The following BANP variants were observed in gnomAD, a reference collection of about 807,000 sequenced individuals.
BANP encodes the protein protein BANP.
A neutral mutation model predicts 68.1 loss-of-function variants in BANP; 11 were observed. The observed-to-expected ratio is 0.16, with a 90% CI of 0.10 to 0.27. The LOEUF (loss-of-function observed/expected upper bound fraction) is 0.27. Among genes scored for constraint, BANP ranks in the 10% least tolerant of loss-of-function variants. The probability of loss-of-function intolerance (pLI) is 1.00; values close to 1 mark genes in which losing one functional copy is unlikely to be tolerated. For synonymous variants in BANP, 329 were observed against 303.2 expected, an observed-to-expected ratio of 1.09 and a Z score of -0.88; for missense variants, 504 against 722.7, an observed-to-expected ratio of 0.70 and a Z score of 3.47.
chr16:87,968,053 C>A (rs1035002311), intron 1 of BANP, among the ~76,000 whole-genome samples: 1 of 150,506 alleles, frequency 6.6e-6, no homozygotes, highest in African/African-American at 2.4e-5. Flanking sequence ...CACGCCTGGC[C>A]AGAAAAGGTT....
intron 1 of BANP, among the ~76,000 whole-genome samples, chr16:87,961,426 A>G (rs1304880743): frequency 1.1e-5 from 1 of 92,454 alleles, no homozygotes; most frequent in African/African-American, 3.3e-5. Flanking sequence ...CGGGCCTCCC[A>G]AAGTGCTGGG....
intron 11 of BANP, among the ~76,000 whole-genome samples, chr16:88,045,304 C>A (rs1190257479): frequency 6.6e-6 from 1 of 152,198 alleles, no homozygotes; most frequent in Non-Finnish European, 1.5e-5. Context: ...GAAGATGGCT[C>A]GATGTTTGCC....
intron 3 of BANP, among the ~76,000 whole-genome samples, chr16:87,982,209 A>G (rs969541048): frequency 2.0e-5 from 3 of 152,222 alleles, no homozygotes; most frequent in African/African-American, 7.2e-5. Flanking sequence ...ATAGAACAGA[A>G]ATGTATAAAG....
At chr16:87,996,372 T>C (rs1344369305) in intron 4 of BANP, among the ~76,000 whole-genome samples, 2 of 152,236 alleles carry the variant, frequency 1.3e-5, no homozygotes, top group African/African-American at 4.8e-5. Context: ...AGTTGGATGT[T>C]CTGCTGCTCT....
In BANP at chr16:87,964,771, C is replaced by T. The variant is rs553436753; in HGVS notation, c.-68-10277C>T. ...GGTTGGGAGTGACAGGCTGGGAAGA[C>T]GAGGCCGGATCAGGGTGAAGGAGAG... On this transcript the variant is annotated intron_variant, in intron 1 of 13. Transcript: ENST00000682872. 3.0e-4 allele frequency among the ~76,000 whole-genome samples: 46 copies of T among 152,212 alleles called. 1 individual carries two copies. Among genetic ancestry groups the T allele is most frequent in the Admixed American group, 2.7e-3 (41 of 15,302 alleles).
In BANP at chr16:88,004,146, T is replaced by C. The variant is rs2070258493; in HGVS notation, c.363-149T>C. ...CTCCTTCCCCCTCAGGACGGGTCCC[T>C]GGGAGTGGACTATGTTGAATGACTC... On this transcript the variant is annotated intron_variant, in intron 4 of 13. Coordinates refer to ENST00000682872, the MANE Select transcript of BANP (RefSeq NM_001386991.1). The surrounding 1 kb of genome is among the most constrained non-coding windows in gnomAD (Gnocchi z 7.0). 4.6e-6 allele frequency: 3 copies of C among 646,828 alleles called. No homozygotes were observed. In the Admixed American group the frequency reaches 6.9e-5, roughly 15 times the overall value. 40.1% of individuals were successfully genotyped at this position (646,828 alleles called of 1,614,324 possible).
chr16:87,951,271 A>G (rs1366400977), upstream of BANP, among the ~76,000 whole-genome samples: 2 of 152,156 alleles, frequency 1.3e-5, no homozygotes, highest in Non-Finnish European at 2.9e-5. Flanking sequence ...ACCGTCGCGG[A>G]AGAAGGCCGC....
chr16:88,022,179 C>G (rs746546189), intron 7 of BANP, among the ~76,000 whole-genome samples: 1 of 152,330 alleles, frequency 6.6e-6, no homozygotes, highest in South Asian at 2.1e-4. Flanking sequence ...CAGCAGCATT[C>G]GCCTGTTTTC....
chr16:88,045,877 C>T (rs2081913572), intron 11 of BANP, among the ~76,000 whole-genome samples: 1 of 152,204 alleles, frequency 6.6e-6, no homozygotes, highest in Non-Finnish European at 1.5e-5. Flanking sequence ...GTGTCGCTTC[C>T]TCGTACTTCA....
intron 11 of BANP, among the ~76,000 whole-genome samples, chr16:88,063,412 T>G (rs1209629074): frequency 6.6e-6 from 1 of 152,198 alleles, no homozygotes; most frequent in African/African-American, 2.4e-5. Flanking sequence ...TTAATAGGAA[T>G]TCAGTGTTTC....
At chr16:87,986,373 G>C (rs771969774) in intron 4 of BANP, among the ~76,000 whole-genome samples, 15 of 152,324 alleles carry the variant, frequency 9.8e-5, no homozygotes, top group Admixed American at 3.3e-4. Context: ...ATGTGTGATG[G>C]GGGGAGAGGT....
chr16:88,075,954 C>T (rs552607324), intron 13 of BANP, among the ~76,000 whole-genome samples: 48 of 152,238 alleles, frequency 3.2e-4, no homozygotes, highest in Non-Finnish European at 6.0e-4. Flanking sequence ...CCATTTTGGC[C>T]AGCCTAGGCT....
chr16:88,065,917 G>A (rs1159188915), intron 12 of BANP, among the ~76,000 whole-genome samples: 1 of 152,084 alleles, frequency 6.6e-6, no homozygotes, highest in African/African-American at 2.4e-5. Flanking sequence ...AGCCATGCTT[G>A]CCTTCCACCT....
chr16:87,996,909 C>T (rs553089784), intron 4 of BANP, among the ~76,000 whole-genome samples: 1 of 152,208 alleles, frequency 6.6e-6, no homozygotes, highest in South Asian at 2.1e-4. Flanking sequence ...ATCTTGGTGG[C>T]TGGTTTTGCA....
At chr16:87,973,902 C>T (rs919218302) in intron 1 of BANP, among the ~76,000 whole-genome samples, 1 of 152,018 alleles carries the variant, frequency 6.6e-6, no homozygotes, top group Non-Finnish European at 1.5e-5. Flanking sequence ...TAATTTCATT[C>T]CTGTTGGGAC....
At chr16:88,042,432 G>C (rs2152787321) in intron 11 of BANP, among the ~76,000 whole-genome samples, 1 of 152,302 alleles carries the variant, frequency 6.6e-6, no homozygotes, top group East Asian at 1.9e-4. Context: ...CTGGGCCCCT[G>C]TGGCCTCTGC....
Position 87,957,528 on chromosome 16 carries a change from G to A in BANP, c.-69+6013G>A, listed in dbSNP as rs186181948. Among the ~76,000 whole-genome samples, 7 of 152,340 alleles carry A rather than the reference G, an allele frequency of 4.6e-5. No homozygotes were observed. Among genetic ancestry groups the A allele is most frequent in the Admixed American group, 1.3e-4 (2 of 15,310 alleles). On this transcript the variant is annotated intron_variant, in intron 1 of 13. Coordinates refer to ENST00000682872, the MANE Select transcript of BANP (RefSeq NM_001386991.1). The surrounding 1 kb of genome is among the most constrained non-coding windows in gnomAD (Gnocchi z 4.3). ...TGAGGCAAGCTCACGGAGGCCTGCC[G>A]CAGGGCCCTGCGCTGACAAACCTTT... is the stretch of plus-strand genomic sequence containing the variant.
At chr16:88,054,414 CT>C (rs1312869006) in intron 11 of BANP, among the ~76,000 whole-genome samples, 1 of 151,990 alleles carries the variant, frequency 6.6e-6, no homozygotes, top group Admixed American at 6.6e-5. Flanking sequence ...ACACAACCAC[CT>C]TAACAAACAC....
chr16:88,056,366 C>T (rs968444926), intron 11 of BANP, among the ~76,000 whole-genome samples: 2 of 152,176 alleles, frequency 1.3e-5, no homozygotes, highest in Non-Finnish European at 2.9e-5. Flanking sequence ...TTTCTTGGGA[C>T]ACTGTCTGTG....
Sources: gnomAD v4.1 joint callset for allele counts (sites outside exome capture counted in the v4.1 genomes callset) on GRCh38, gnomAD v4.1.1 for gene constraint, Gnocchi (gnomAD v3.1) non-coding constraint, MANE v1.5 for transcripts, NCBI Gene and HGNC (gene_info 2026-07-23, HGNC 2026-07-21) for gene names.